The following MACF1 variants were observed in gnomAD, a reference collection of about 807,000 sequenced individuals.
MACF1 encodes microtubule-actin cross-linking factor 1.
Under a neutral mutation model 854.8 loss-of-function variants are expected in MACF1, and 193 were observed. The observed-to-expected ratio is 0.23, with a 90% CI of 0.20 to 0.25. The LOEUF (loss-of-function observed/expected upper bound fraction) is 0.25, where lower values mean the gene tolerates loss of function less well. Ranked by LOEUF, MACF1 falls within the 10% of genes least tolerant of loss-of-function variation. The pLI is 1.00. For missense variants in MACF1, 7,722 were observed against 8,929.1 expected, an observed-to-expected ratio of 0.86 and a Z score of 5.45; for synonymous variants, 3,185 against 3,226.7, an observed-to-expected ratio of 0.99 and a Z score of 0.44.
chr1:39,230,584 TAA>T (rs547789042), intron 1 of MACF1, among the ~76,000 whole-genome samples: 1 of 137,724 alleles, frequency 7.3e-6, no homozygotes, highest in Admixed American at 7.2e-5. Flanking sequence ...GTTAAAGAGG[TAA>T]AAAAAAAAAA....
intron 2 of MACF1, among the ~76,000 whole-genome samples, chr1:39,241,051 T>G (rs1363180596): frequency 2.7e-5 from 3 of 109,404 alleles, no homozygotes; most frequent in South Asian, 5.3e-4. Context: ...CTATAATCTG[T>G]TTTTTTTTTT....
intron 2 of MACF1, among the ~76,000 whole-genome samples, chr1:39,236,970 A>G (rs903758427): frequency 6.6e-6 from 1 of 152,114 alleles, no homozygotes; most frequent in Non-Finnish European, 1.5e-5. Flanking sequence ...TTCCTTTTGT[A>G]AATTTCTTCC....
chr1:39,356,043 T>C (rs1392161131), intron 44 of MACF1, among the ~76,000 whole-genome samples: 2 of 152,180 alleles, frequency 1.3e-5, no homozygotes, highest in African/African-American at 4.8e-5. Flanking sequence ...CGATGATCTG[T>C]AGTCCTTCTC....
intron 6 of MACF1, 86 bp downstream of exon 6, chr1:39,258,114 C>T: frequency 9.8e-7 from 1 of 1,019,578 alleles, no homozygotes; most frequent in East Asian, 2.4e-5. Flanking sequence ...CAGCATTGAG[C>T]CTTCCTTCTC....
chr1:39,454,763 ACACTC>A (rs1448752368), intron 88 of MACF1, 141 bp from the exon 89 acceptor site: 1 of 686,930 alleles, frequency 1.5e-6, no homozygotes. Flanking sequence ...TTGTGCCACT[ACACTC>A]CAGTGTGGGT....
chr1:39,469,679 T>TA (rs1252136823), intron 97 of MACF1, 64 bp downstream of exon 97: 7 of 1,259,746 alleles, frequency 5.6e-6, no homozygotes, highest in Non-Finnish European at 6.8e-6. Context: ...CTTTGCTTCT[T>TA]AAACTGTAAC....
chr1:39,414,303 T>C (rs1360001295), intron 58 of MACF1: 3 of 1,613,916 alleles, frequency 1.9e-6, no homozygotes, highest in African/African-American at 2.7e-5. Flanking sequence ...CTGCCCACAC[T>C]GACTCAGTGC....
chr1:39,175,127 A>T (rs1381275562), intron 2 of MACF1, among the ~76,000 whole-genome samples: 1 of 151,482 alleles, frequency 6.6e-6, no homozygotes, highest in Non-Finnish European at 1.5e-5. Flanking sequence ...TCCCTCCCCC[A>T]CCTTGCTCCA....
chr1:39,139,051 C>T (rs1391153409), intron 2 of MACF1, among the ~76,000 whole-genome samples: 2 of 152,188 alleles, frequency 1.3e-5, no homozygotes, highest in Non-Finnish European at 2.9e-5. Context: ...GCACAAACTA[C>T]GTAATTTTGA....
intron 2 of MACF1, among the ~76,000 whole-genome samples, chr1:39,104,810 C>G (rs1642178665): frequency 6.6e-6 from 1 of 152,166 alleles, no homozygotes; most frequent in South Asian, 2.1e-4. Context: ...TGTCCTCCGG[C>G]CCTACACTGC....
At chr1:39,089,096 G>A (rs1480556712) in intron 2 of MACF1, among the ~76,000 whole-genome samples, 2 of 152,214 alleles carry the variant, frequency 1.3e-5, no homozygotes, top group Non-Finnish European at 2.9e-5. Context: ...AGAAAAGGCC[G>A]GGTGTAGTGG....
At chr1:39,197,991 A>G (rs1225357924) in intron 2 of MACF1, among the ~76,000 whole-genome samples, 2 of 152,144 alleles carry the variant, frequency 1.3e-5, no homozygotes, top group Non-Finnish European at 2.9e-5. Flanking sequence ...TGAGCCCAGG[A>G]GTTCGAGACC....
At chr1:39,429,202 G>A (rs757217654) in intron 63 of MACF1, 40 bp from the exon 64 acceptor site, 2 of 1,032,406 alleles carry the variant, frequency 1.9e-6, no homozygotes, top group Non-Finnish European at 3.0e-6. Context: ...TTCATTTGTA[G>A]TGCCACAGTT....
In MACF1 at chr1:39,333,953, T is replaced by C; in HGVS notation, c.7365T>C (p.Val2455=). Residue 2455 remains valine, a synonymous_variant, in exon 37 of 101, where the codon GTT becomes GTC. Transcript: ENST00000564288. ...AAGGTAGAGATGCTGAAAAAACAGT[T>C]AGGGAGAGATTAATTAGTTTACAAA... ...ASKGRDAEKT[V]RERLISLQME... 1 of 1,614,100 alleles carries C rather than the reference T, an allele frequency of 6.2e-7. No homozygotes were observed. The highest frequency in any genetic ancestry group is 1.3e-5 in the African/African-American group (1 of 75,034).
chr1:39,485,860 T>C lies in MACF1; in HGVS notation c.*66T>C. On this transcript the variant is annotated 3_prime_UTR_variant, in exon 101 of 101. Coordinates refer to ENST00000564288, the MANE Select transcript of MACF1 (RefSeq NM_001394062.1). ...CTGCTCCATACATTGGGTGTATATT[T>C]ATTCTGAACGGGAGAAGTTATATTG... The C allele has an allele frequency of 6.9e-7, 1 of 1,443,018 alleles. No homozygotes were observed. The highest frequency in any genetic ancestry group is 1.5e-5 in the South Asian group (1 of 66,580). 89.4% of individuals were successfully genotyped at this position (1,443,018 alleles called of 1,614,324 possible).
intron 2 of MACF1, among the ~76,000 whole-genome samples, chr1:39,197,483 C>G (rs1451637222): frequency 6.6e-6 from 1 of 152,148 alleles, no homozygotes; most frequent in Admixed American, 6.5e-5. Context: ...TTTCTAATTA[C>G]TGATGCCAGA....
At position 39,333,178 on chromosome 1, in the gene MACF1, A is replaced by T. The variant is rs763682361; in HGVS notation, c.6590A>T (p.Lys2197Ile). The T allele has an allele frequency of 6.2e-7, 1 of 1,613,096 alleles. No individual in the cohort carries two copies. Among genetic ancestry groups the T allele is most frequent in the South Asian group, 1.1e-5 (1 of 90,694 alleles). The change falls in exon 37 of 101, where the codon AAA (lysine) becomes ATA (isoleucine). Residue 2197 changes from lysine (K) to isoleucine (I), a missense_variant. Transcript: ENST00000564288. The part of the protein sequence containing the change: ...TGGSHIKPQS[K>I]KLQVQVKKTL... ...GGATCTCACATAAAACCCCAAAGCA[A>T]AAAGTTACAAGTTCAGGTAAAGAAA... is the stretch of plus-strand genomic sequence containing the variant.
chr1:39,269,808 G>T, intron 6 of MACF1: 13 of 1,084,092 alleles, frequency 1.2e-5, no homozygotes, highest in Non-Finnish European at 1.6e-5. Flanking sequence ...TGAGCAGTGA[G>T]GATGTTGGTG....
rs1165462741 is a variant in MACF1 at position 39,347,071 on chromosome 1, C to T, written c.10676C>T (p.Ser3559Phe). ...FFISEHAQDL[S>F]PQQNRQMLRL... ...ATCTCAGAACATGCCCAGGACTTGT[C>T]CCCTCAGCAGAATCGACAGATGCTG... The change falls in exon 41 of 101, where the codon TCC becomes TTC. Residue 3559 changes from serine (S) to phenylalanine (F), a missense_variant. This residue lies in a region of MACF1 where 854 missense variants were observed against 852.6 expected (regional missense o/e 1.00). Coordinates refer to ENST00000564288, the MANE Select transcript of MACF1 (RefSeq NM_001394062.1). The T allele has an allele frequency of 4.3e-6, 7 of 1,614,030 alleles. No individual in the cohort carries two copies. In the Admixed American group the frequency reaches 5.0e-5, roughly 12 times the overall value.
Sources: allele counts gnomAD v4.1 joint callset (sites outside exome capture counted in the v4.1 genomes callset), GRCh38; gene constraint gnomAD v4.1.1; regional missense constraint gnomAD v4.1.1; transcripts MANE v1.5; gene names NCBI Gene and HGNC (gene_info 2026-07-23, HGNC 2026-07-21).